Variants in MAGI1 observed in about 807,000 individuals in gnomAD.
The protein encoded by MAGI1 is membrane-associated guanylate kinase, WW and PDZ domain-containing protein 1.
MAGI1 carries 58 observed loss-of-function variants against 139.9 expected under a neutral mutation model. The observed-to-expected ratio is 0.41, with a 90% CI of 0.34 to 0.52. The LOEUF (loss-of-function observed/expected upper bound fraction) is 0.52, where lower values mean the gene tolerates loss of function less well. Among genes scored for constraint, MAGI1 ranks in the 20% least tolerant of loss-of-function variants. The pLI, the probability that MAGI1 is intolerant of heterozygous loss-of-function variation, is 0.12. For synonymous variants in MAGI1, 812 were observed against 737.9 expected (o/e 1.10, Z -1.63); for missense variants, 1,874 against 1,901.6 (o/e 0.99, Z 0.27).
intron 1 of MAGI1, among the ~76,000 whole-genome samples, chr3:65,967,470 A>G (rs1327724728): frequency 6.6e-6 from 1 of 152,128 alleles, no homozygotes; most frequent in Non-Finnish European, 1.5e-5. Context: ...CCCTCCAAAA[A>G]GTAACCCAGT....
chr3:65,860,217 C>A (rs1317781177), intron 1 of MAGI1, among the ~76,000 whole-genome samples: 1 of 152,010 alleles, frequency 6.6e-6, no homozygotes, highest in Non-Finnish European at 1.5e-5. Context: ...TTTTTCTATT[C>A]TTCTATTTCC....
At chr3:65,961,606 C>T (rs1033857933) in intron 1 of MAGI1, among the ~76,000 whole-genome samples, 1 of 152,118 alleles carries the variant, frequency 6.6e-6, no homozygotes, top group African/African-American at 2.4e-5. Context: ...AAATGAAGCC[C>T]TCTTGGAGAA....
At chr3:65,470,518 AG>A in intron 4 of MAGI1, 34 bp from the exon 5 acceptor site, 21 of 1,360,754 alleles carry the variant, frequency 1.5e-5, no homozygotes, top group South Asian at 2.6e-5. Context: ...AGAGAGAGAG[AG>A]AGAGAAAAAA....
At chr3:65,621,566 T>A (rs2083669136) in intron 2 of MAGI1, among the ~76,000 whole-genome samples, 1 of 152,162 alleles carries the variant, frequency 6.6e-6, no homozygotes, top group Non-Finnish European at 1.5e-5. Context: ...CAAAGGTCAG[T>A]CCGAAGGCCG....
chr3:65,456,489 C>G (rs187894791), intron 5 of MAGI1, among the ~76,000 whole-genome samples: 1 of 151,948 alleles, frequency 6.6e-6, no homozygotes, highest in East Asian at 1.9e-4. Context: ...GTCCTTTCAT[C>G]CTCTATCAGA....
At chr3:65,410,182 T>C (rs575055494) in intron 12 of MAGI1, among the ~76,000 whole-genome samples, 1 of 152,316 alleles carries the variant, frequency 6.6e-6, no homozygotes, top group South Asian at 2.1e-4. Context: ...GAAGGTGTCA[T>C]TGAAATGATA....
chr3:65,361,548 AG>A lies in MAGI1; in HGVS notation c.3496-212del, dbSNP rs1188392191. Among the ~76,000 whole-genome samples the A allele has an allele frequency of 7.9e-5, 12 of 152,164 alleles. No individual in the cohort carries two copies. The East Asian group carries it at 2.3e-3, about 29-fold the overall frequency. ...ACATATATGCCAAATCACATGAGAA[AG>A]GGGGGAAAAAAAGCAGTAAGGGCAT... On this transcript the variant is annotated intron_variant, in intron 21 of 22. Transcript: ENST00000402939.
At chr3:65,548,509 C>CTTTTTTTTTTTTT (rs1306099660) in intron 2 of MAGI1, among the ~76,000 whole-genome samples, 7 of 117,366 alleles carry the variant, frequency 6.0e-5, no homozygotes, top group Admixed American at 2.1e-4. Flanking sequence ...GCAAACAACA[C>CTTTTTTTTTTTTT]TCTTTTTTTT....
intron 2 of MAGI1, among the ~76,000 whole-genome samples, chr3:65,512,650 T>G (rs1208656194): frequency 6.6e-6 from 1 of 151,904 alleles, no homozygotes; most frequent in South Asian, 2.1e-4. Flanking sequence ...GAGCTGAAAT[T>G]GTGGCAATAA....
intron 2 of MAGI1, among the ~76,000 whole-genome samples, chr3:65,535,336 T>G (rs1005793489): frequency 6.6e-6 from 1 of 152,206 alleles, no homozygotes; most frequent in African/African-American, 2.4e-5. Context: ...TCTCCTTGTC[T>G]CTAAAAGAAG....
Position 65,470,469 on chromosome 3 carries a change from T to G in MAGI1, c.773A>C (p.Gln258Pro), listed in dbSNP as rs1434413311. ...TGTTTCTTGGAGAGTGTGCTCCTCT[T>G]GTTCACCAGAATCGGCTGCTTAATC... ...NSSFTADSGEQEEHTLQETAL... is the reference protein window; with the variant it reads ...NSSFTADSGEPEEHTLQETAL... The change falls in exon 5 of 23, where the codon CAA (glutamine) becomes CCA (proline). Residue 258 changes from glutamine to proline, a missense_variant. Transcript: ENST00000402939. The G allele has an allele frequency of 6.2e-7, 1 of 1,612,626 alleles. No homozygotes were observed. Among genetic ancestry groups the G allele is most frequent in the South Asian group, 1.1e-5 (1 of 90,988 alleles).
chr3:65,470,130 C>T (rs1420169774), intron 5 of MAGI1, 153 bp downstream of exon 5: 1 of 579,640 alleles, frequency 1.7e-6, no homozygotes, highest in South Asian at 2.3e-5. Context: ...AATTAATTAC[C>T]TTTTTATGCA....
chr3:65,830,643 C>T (rs1241705998), intron 1 of MAGI1, among the ~76,000 whole-genome samples: 1 of 150,980 alleles, frequency 6.6e-6, no homozygotes, highest in Admixed American at 6.7e-5. Context: ...AACAATTTTC[C>T]ATTGATTTAT....
At chr3:65,787,057 A>G (rs141605994) in intron 1 of MAGI1, among the ~76,000 whole-genome samples, 1 of 152,276 alleles carries the variant, frequency 6.6e-6, no homozygotes, top group East Asian at 1.9e-4. Context: ...TTCTTCTCCT[A>G]TCTCATGTTT....
At chr3:65,446,331 G>C (rs1272023426) in intron 7 of MAGI1, among the ~76,000 whole-genome samples, 3 of 152,164 alleles carry the variant, frequency 2.0e-5, no homozygotes, top group Non-Finnish European at 4.4e-5. Context: ...GAAGCTAAAA[G>C]AAGGTGAATA....
chr3:65,371,151 C>A (rs1042594271), intron 18 of MAGI1, among the ~76,000 whole-genome samples: 2 of 152,202 alleles, frequency 1.3e-5, no homozygotes, highest in African/African-American at 4.8e-5. Context: ...TCAATCCCTG[C>A]GTCCTGTTCT....
At chr3:65,549,280 C>G in intron 2 of MAGI1, 1 of 387,982 alleles carries the variant, frequency 2.6e-6, no homozygotes, top group Non-Finnish European at 3.5e-6. Flanking sequence ...CCTTCTCCTT[C>G]CTTCCCTTTC....
chr3:65,891,908 A>G (rs71306787), intron 1 of MAGI1, among the ~76,000 whole-genome samples: 3 of 76,360 alleles, frequency 3.9e-5, no homozygotes. Context: ...ATATATATAT[A>G]TATATATATA....
rs566887281 is a variant in MAGI1 at position 65,888,129 on chromosome 3, T to A, written c.313+149867A>T. Among the ~76,000 whole-genome samples, 3 of 152,316 alleles carry A rather than the reference T, an allele frequency of 2.0e-5. No homozygotes were observed. The East Asian group carries it at 5.8e-4, about 29-fold the overall frequency. Reference sequence around the variant, plus strand: ...TACCTTCTCTCTACTGTGAAAACAATTCCCACTATCCAACCTGATGGTAAG... The same window carrying A: ...TACCTTCTCTCTACTGTGAAAACAAATCCCACTATCCAACCTGATGGTAAG... On this transcript the variant is annotated intron_variant, in intron 1 of 22. Coordinates refer to ENST00000402939, the MANE Select transcript of MAGI1 (RefSeq NM_001033057.2).
Sources: allele counts gnomAD v4.1 joint callset (sites outside exome capture counted in the v4.1 genomes callset), GRCh38; gene constraint gnomAD v4.1.1; transcripts MANE v1.5; gene names NCBI Gene and HGNC (gene_info 2026-07-23, HGNC 2026-07-21).